The following MSRA variants were observed in gnomAD, a reference collection of about 807,000 sequenced individuals.
MSRA encodes methionine sulfoxide reductase A.
In MSRA, 54 loss-of-function variants were observed where a neutral mutation model predicts 31.3. The observed-to-expected ratio is 1.73, with a 90% CI of 1.39 to 2.17. The LOEUF is 2.17. Ranked by LOEUF, MSRA falls within the 30% of genes most tolerant of loss-of-function variation. The pLI, the probability that MSRA is intolerant of heterozygous loss-of-function variation, is 0.00. For missense variants in MSRA, 507 were observed against 300.9 expected, an observed-to-expected ratio of 1.69 and a Z score of -5.07; for synonymous variants, 169 against 116.5, an observed-to-expected ratio of 1.45 and a Z score of -2.90.
intron 1 of MSRA, among the ~76,000 whole-genome samples, chr8:10,177,335 A>G (rs1037391958): frequency 6.6e-6 from 1 of 152,236 alleles, no homozygotes; most frequent in African/African-American, 2.4e-5. Context: ...CTGACAACAC[A>G]CTGATGGATA....
intron 1 of MSRA, among the ~76,000 whole-genome samples, chr8:10,115,519 T>C (rs1184313974): frequency 6.6e-6 from 1 of 152,224 alleles, no homozygotes; most frequent in Admixed American, 6.5e-5. Context: ...AAAATCAATT[T>C]CTGTGTCTAA....
chr8:10,068,382 G>T (rs907668178), intron 1 of MSRA, among the ~76,000 whole-genome samples: 1 of 152,114 alleles, frequency 6.6e-6, no homozygotes, highest in Non-Finnish European at 1.5e-5. Flanking sequence ...TATCTAAAAA[G>T]TTATTGCCAA....
chr8:10,123,832 C>G (rs1157689803), intron 1 of MSRA, among the ~76,000 whole-genome samples: 1 of 151,742 alleles, frequency 6.6e-6, no homozygotes, highest in Non-Finnish European at 1.5e-5. Context: ...TTTCTGGGCT[C>G]TCTATTCCAA....
chr8:10,237,368 C>G (rs1812033302), intron 2 of MSRA, among the ~76,000 whole-genome samples: 2 of 152,218 alleles, frequency 1.3e-5, no homozygotes, highest in South Asian at 4.1e-4. Flanking sequence ...TAAAATTTAT[C>G]TTTCTATTGA....
At chr8:10,399,918 A>G (rs529479857) in intron 5 of MSRA, among the ~76,000 whole-genome samples, 1 of 152,282 alleles carries the variant, frequency 6.6e-6, no homozygotes, top group African/African-American at 2.4e-5. Context: ...CTTGTCAGAA[A>G]GGGAGAGCTG....
At chr8:10,194,166 A>G (rs956643153) in intron 1 of MSRA, among the ~76,000 whole-genome samples, 1 of 152,190 alleles carries the variant, frequency 6.6e-6, no homozygotes, top group African/African-American at 2.4e-5. Flanking sequence ...TCTCCTCCAA[A>G]GTAAAAAAGG....
intron 1 of MSRA, among the ~76,000 whole-genome samples, chr8:10,095,392 C>G (rs1405787895): frequency 3.3e-5 from 5 of 152,302 alleles, no homozygotes; most frequent in Admixed American, 3.3e-4. Flanking sequence ...GAAGTCGATG[C>G]TGTTGGTGCC....
chr8:10,398,333 C>G (rs1028975242), intron 5 of MSRA, among the ~76,000 whole-genome samples: 2 of 152,194 alleles, frequency 1.3e-5, no homozygotes, highest in African/African-American at 2.4e-5. Context: ...TGTAATTCCA[C>G]CCACTGGTCC....
At chr8:10,411,691 A>G (rs2129189062) in intron 5 of MSRA, 1 of 152,350 alleles carries the variant, frequency 6.6e-6, no homozygotes, top group East Asian at 1.9e-4. Flanking sequence ...AATGAGCACA[A>G]CCTTTATTGT....
chr8:10,275,873 C>T (rs939144358), intron 3 of MSRA, among the ~76,000 whole-genome samples: 1 of 152,214 alleles, frequency 6.6e-6, no homozygotes, highest in East Asian at 1.9e-4. Context: ...GCCTCTTGAC[C>T]CACAATCTGG....
chr8:10,088,529 G>A (rs528135566), intron 1 of MSRA, among the ~76,000 whole-genome samples: 8 of 152,288 alleles, frequency 5.3e-5, no homozygotes, highest in Non-Finnish European at 8.8e-5. Flanking sequence ...GGGGTCAGGA[G>A]TTCGAGACCA....
intron 1 of MSRA, among the ~76,000 whole-genome samples, chr8:10,139,677 T>C (rs1802543493): frequency 1.3e-5 from 2 of 152,266 alleles, no homozygotes; most frequent in African/African-American, 4.8e-5. Flanking sequence ...TCTATTCATA[T>C]TGCTTGATTT....
intron 1 of MSRA, among the ~76,000 whole-genome samples, chr8:10,086,180 A>G (rs899280771): frequency 6.6e-6 from 1 of 152,214 alleles, no homozygotes; most frequent in Non-Finnish European, 1.5e-5. Flanking sequence ...ATTTCTGTAC[A>G]TACTTGCCAA....
At chr8:10,284,407 TGGACTCA>T (rs1799823586) in intron 3 of MSRA, among the ~76,000 whole-genome samples, 1 of 152,130 alleles carries the variant, frequency 6.6e-6, no homozygotes, top group Admixed American at 6.5e-5. Context: ...TTAGCCAGGC[TGGACTCA>T]AACTCCTCAC....
intron 1 of MSRA, among the ~76,000 whole-genome samples, chr8:10,145,669 C>T (rs1308227562): frequency 6.6e-6 from 1 of 152,136 alleles, no homozygotes; most frequent in African/African-American, 2.4e-5. Context: ...TTATTCTTGG[C>T]AAGTGGTTTC....
chr8:10,229,119 A>T (rs1456783430), intron 2 of MSRA, among the ~76,000 whole-genome samples: 1 of 152,178 alleles, frequency 6.6e-6, no homozygotes, highest in African/African-American at 2.4e-5. Context: ...TTTTTACATG[A>T]CAGATTAAGG....
At chr8:10,178,862 A>G (rs1585103612) in intron 1 of MSRA, among the ~76,000 whole-genome samples, 2 of 152,270 alleles carry the variant, frequency 1.3e-5, no homozygotes, top group African/African-American at 2.4e-5. Context: ...GAACTACAGG[A>G]TGGCACCAGA....
rs138442903 is a variant in MSRA at position 10,169,096 on chromosome 8, T to C, written c.143-38737T>C. Reference sequence around the variant, plus strand: ...GGAGATAGCTCTCTTTTCCAAATTCTCAAGTTGGCACAGTTATGAAAACCT... The same window carrying C: ...GGAGATAGCTCTCTTTTCCAAATTCCCAAGTTGGCACAGTTATGAAAACCT... On this transcript the variant is annotated intron_variant, in intron 1 of 5. Transcript: ENST00000317173. Among the ~76,000 whole-genome samples, 285 of 152,308 alleles carry C rather than the reference T, an allele frequency of 1.9e-3. 3 individuals are homozygous for C. The highest frequency in any genetic ancestry group is 6.5e-3 in the African/African-American group (272 of 41,566).
At chr8:10,096,756 G>C (rs1219179210) in intron 1 of MSRA, among the ~76,000 whole-genome samples, 1 of 152,120 alleles carries the variant, frequency 6.6e-6, no homozygotes, top group East Asian at 1.9e-4. Context: ...TGATTGGATT[G>C]TGATAGTTCT....
Sources: allele counts gnomAD v4.1 joint callset (sites outside exome capture counted in the v4.1 genomes callset), GRCh38; gene constraint gnomAD v4.1.1; transcripts MANE v1.5; gene names NCBI Gene and HGNC (gene_info 2026-07-23, HGNC 2026-07-21).